Variants in GAS7 observed in about 807,000 individuals in gnomAD.
GAS7 encodes the protein growth arrest-specific protein 7.
GAS7 carries 28 observed loss-of-function variants against 71.1 expected under a neutral mutation model. The ratio of observed to expected loss-of-function variants is 0.39; its 90% confidence interval spans 0.29 to 0.54. GAS7 has a LOEUF of 0.54. Ranked by LOEUF, GAS7 falls within the 20% of genes least tolerant of loss-of-function variation. The pLI, the probability that GAS7 is intolerant of heterozygous loss-of-function variation, is 0.62. For missense variants in GAS7, 436 were observed against 627.8 expected (o/e 0.69, Z 3.27); for synonymous variants, 258 against 245.8 (o/e 1.05, Z -0.46).
chr17:10,057,153 C>T (rs2073151663), intron 1 of GAS7, among the ~76,000 whole-genome samples: 1 of 152,342 alleles, frequency 6.6e-6, no homozygotes, highest in South Asian at 2.1e-4. Flanking sequence ...ACAACCTCCA[C>T]CTCCCAGCCG....
intron 1 of GAS7, among the ~76,000 whole-genome samples, chr17:10,047,207 G>A (rs1256105829): frequency 3.3e-5 from 5 of 152,196 alleles, no homozygotes; most frequent in Non-Finnish European, 4.4e-5. Flanking sequence ...AGATGCTACA[G>A]GCCAAGCCCA....
At chr17:10,162,121 G>A (rs1013102955) in intron 1 of GAS7, among the ~76,000 whole-genome samples, 21 of 148,318 alleles carry the variant, frequency 1.4e-4, no homozygotes, top group African/African-American at 3.8e-4. Flanking sequence ...GAACCCTTCC[G>A]AAGGCTCCCA....
rs369100355 is a variant in GAS7, at chr17:10,036,478, G to A, written c.184-16581C>T. On this transcript the variant is annotated intron_variant, in intron 1 of 13. Coordinates refer to ENST00000432992, the MANE Select transcript of GAS7 (RefSeq NM_201433.2). ...TTCTCTGGGGGCTGCTACCTCAGAGGAGAGTCTTGGGTCCTGCCTGAAGCC... is the reference window on the plus strand; with the variant it reads ...TTCTCTGGGGGCTGCTACCTCAGAGAAGAGTCTTGGGTCCTGCCTGAAGCC... 206 of 1,613,500 alleles carry A rather than the reference G, an allele frequency of 1.3e-4. 1 individual carries two copies. Among genetic ancestry groups the A allele is most frequent in the Non-Finnish European group, 1.6e-4 (194 of 1,179,934 alleles).
intron 1 of GAS7, among the ~76,000 whole-genome samples, chr17:10,163,881 T>C (rs80147791): frequency 0.021 from 3,174 of 152,314 alleles, 51 homozygotes; most frequent in Non-Finnish European, 0.032. Context: ...AGCACTTTGC[T>C]CATGGAGTGA....
chr17:10,015,389 C>T (rs1397352210), intron 2 of GAS7, among the ~76,000 whole-genome samples: 3 of 152,106 alleles, frequency 2.0e-5, no homozygotes, highest in African/African-American at 4.8e-5. Flanking sequence ...ACCGGGACTG[C>T]ACTTTCTGGG....
At chr17:10,107,461 G>A (rs927424146) in intron 1 of GAS7, among the ~76,000 whole-genome samples, 4 of 151,656 alleles carry the variant, frequency 2.6e-5, no homozygotes, top group African/African-American at 9.7e-5. Flanking sequence ...CAGTGGTGGC[G>A]GGCTGGGCAG....
intron 5 of GAS7, among the ~76,000 whole-genome samples, chr17:9,956,311 A>C (rs2152109787): frequency 6.6e-6 from 1 of 152,202 alleles, no homozygotes; most frequent in Non-Finnish European, 1.5e-5. Context: ...CCAGCCCCGG[A>C]GCTCTGTGGA....
intron 1 of GAS7, among the ~76,000 whole-genome samples, chr17:10,100,882 T>G (rs112196622): frequency 1.3e-5 from 2 of 152,248 alleles, no homozygotes; most frequent in Non-Finnish European, 2.9e-5. Flanking sequence ...ATGCAAAGCC[T>G]AGAGATGGAG....
intron 13 of GAS7, 28 bp downstream of exon 13, chr17:9,917,973 C>G (rs376099685): frequency 2.8e-5 from 43 of 1,547,188 alleles, no homozygotes; most frequent in Non-Finnish European, 3.7e-5. Flanking sequence ...CCGTGTCGCC[C>G]GGGAGCCCCG....
intron 2 of GAS7, among the ~76,000 whole-genome samples, chr17:9,989,895 C>A (rs544163253): frequency 6.6e-6 from 1 of 152,308 alleles, no homozygotes; most frequent in East Asian, 1.9e-4. Flanking sequence ...CCTCAGGTTC[C>A]CCCATGAGCT....
chr17:9,918,404 CA>C (rs1461429416), intron 12 of GAS7, among the ~76,000 whole-genome samples: 1 of 152,240 alleles, frequency 6.6e-6, no homozygotes, highest in African/African-American at 2.4e-5. Flanking sequence ...ATTCTCCAAG[CA>C]AGGGAACTGG....
intron 1 of GAS7, among the ~76,000 whole-genome samples, chr17:10,090,978 G>C (rs980477476): frequency 1.3e-5 from 2 of 152,098 alleles, no homozygotes; most frequent in African/African-American, 4.8e-5. Flanking sequence ...CTCCCCACAG[G>C]ACTCTCAGAG....
rs1287760948 is a variant in GAS7 at position 10,040,568 on chromosome 17, T to TC, written c.184-20672dup. ...TAGAGGGAGGAAACCGGCTATAGAA[T>TC]CCCCCCCACCTTCTTTCTCTCTCCC... On this transcript the variant is annotated intron_variant, in intron 1 of 13. Coordinates refer to ENST00000432992, the MANE Select transcript of GAS7 (RefSeq NM_201433.2). Among the ~76,000 whole-genome samples, 79 of 147,526 alleles carry TC rather than the reference T, an allele frequency of 5.4e-4. No homozygotes were observed. In the East Asian group the frequency reaches 7.7e-3, roughly 14 times the overall value.
At chr17:10,036,848 G>C in intron 1 of GAS7, 2 of 506,274 alleles carry the variant, frequency 4.0e-6, no homozygotes, top group Non-Finnish European at 5.4e-6. Context: ...TTGTGTCACT[G>C]AGCAGATGCC....
intron 2 of GAS7, among the ~76,000 whole-genome samples, chr17:10,004,182 G>C (rs1248445698): frequency 6.6e-6 from 1 of 152,152 alleles, no homozygotes; most frequent in Non-Finnish European, 1.5e-5. Context: ...GAAGCATTCT[G>C]TCTTTGCAAA....
rs12603279 is a variant in GAS7, at chr17:9,957,958, G to A, written c.525+1244C>T. ...AGCTGGGTGACCGTGAGCAAGGTGC[G>A]GCTCTGTGCCTCAGTTTCCTCATCT... is the stretch of plus-strand genomic sequence containing the variant. On this transcript the variant is annotated intron_variant, in intron 5 of 13. Transcript: ENST00000432992. Among the ~76,000 whole-genome samples, 117 of 152,296 alleles carry A rather than the reference G, an allele frequency of 7.7e-4. 2 individuals are homozygous for A. In the East Asian group the frequency reaches 0.018, roughly 24 times the overall value.
chr17:10,106,631 C>G (rs1015697997), intron 1 of GAS7, among the ~76,000 whole-genome samples: 1 of 152,186 alleles, frequency 6.6e-6, no homozygotes, highest in African/African-American at 2.4e-5. Flanking sequence ...CACCCACACA[C>G]CCTTCCCAGC....
intron 1 of GAS7, among the ~76,000 whole-genome samples, chr17:10,175,332 G>A (rs1158114983): frequency 6.6e-6 from 1 of 151,944 alleles, no homozygotes; most frequent in African/African-American, 2.4e-5. Context: ...TAAGGGGCTT[G>A]TGTGAGTTTG....
intron 2 of GAS7, among the ~76,000 whole-genome samples, chr17:9,986,055 AC>A (rs1426964984): frequency 6.6e-6 from 1 of 152,104 alleles, no homozygotes; most frequent in Non-Finnish European, 1.5e-5. Context: ...TAACCTTGAC[AC>A]CTTATCTCCT....
Sources: gnomAD v4.1 joint callset for allele counts (sites outside exome capture counted in the v4.1 genomes callset) on GRCh38, gnomAD v4.1.1 for gene constraint, MANE v1.5 for transcripts, NCBI Gene and HGNC (gene_info 2026-07-23, HGNC 2026-07-21) for gene names.